The following AOX1 variants were observed in gnomAD, a reference collection of about 807,000 sequenced individuals.
The protein encoded by AOX1 is aldehyde oxidase 1.
In AOX1, 153 loss-of-function variants were observed where a neutral mutation model predicts 169.5. That is an observed-to-expected ratio of 0.90 (90% CI 0.79 to 1.03). The LOEUF (loss-of-function observed/expected upper bound fraction) is 1.03. Among genes scored for constraint, AOX1 ranks in the 50% least tolerant of loss-of-function variants. The pLI, the probability that AOX1 is intolerant of heterozygous loss-of-function variation, is 0.00. For synonymous variants in AOX1, 562 were observed against 581.9 expected, an observed-to-expected ratio of 0.97 and a Z score of 0.49; for missense variants, 1,656 against 1,663.9, an observed-to-expected ratio of 1.00 and a Z score of 0.08.
At chr2:200,642,851 G>C (rs371480474) in intron 25 of AOX1, 50 bp downstream of exon 25, 21 of 1,558,554 alleles carry the variant, frequency 1.3e-5, no homozygotes, top group Non-Finnish European at 1.8e-5. Flanking sequence ...GTCAGAGACG[G>C]TAGGGCCTTT....
chr2:200,607,368 G>C (rs1252179827), intron 10 of AOX1, among the ~76,000 whole-genome samples: 1 of 152,120 alleles, frequency 6.6e-6, no homozygotes, highest in Non-Finnish European at 1.5e-5. Context: ...TCGATGTGCT[G>C]CTCATCATCA....
At chr2:200,597,642 A>C (rs2034313973) in intron 4 of AOX1, 137 bp downstream of exon 4, 11 of 466,230 alleles carry the variant, frequency 2.4e-5, no homozygotes, top group Non-Finnish European at 2.6e-5. Context: ...AGCTGGGAAC[A>C]AGAGTGAAGC....
At position 200,601,073 on chromosome 2, in the gene AOX1, C is replaced by CT. The variant is rs58855977; in HGVS notation, c.437-1193dup. The stretch of plus-strand genomic sequence containing the variant: ...TTTCTGTCAGCTGAAGCTTAGAGTG[C>CT]TTTTTTTTTTTTTTTTTTGTCACAG... On this transcript the variant is annotated intron_variant, in intron 5 of 34. Coordinates refer to ENST00000374700, the MANE Select transcript of AOX1 (RefSeq NM_001159.4). 5.1e-3 allele frequency among the ~76,000 whole-genome samples: 611 copies of CT among 120,460 alleles called. 25 individuals carry two copies. Among genetic ancestry groups the CT allele is most frequent in the African/African-American group, 0.015 (479 of 32,112 alleles). The allele number at this position is 120,460 out of a possible 152,430, so 79.0% of individuals were successfully genotyped here.
intron 25 of AOX1, among the ~76,000 whole-genome samples, chr2:200,647,868 T>A (rs1487121690): frequency 1.3e-5 from 2 of 152,216 alleles, no homozygotes; most frequent in African/African-American, 4.8e-5. Flanking sequence ...TCTACTTGTT[T>A]AATTCTACTA....
intron 1 of AOX1, among the ~76,000 whole-genome samples, chr2:200,590,696 C>A (rs991656362): frequency 1.3e-5 from 2 of 152,202 alleles, no homozygotes; most frequent in African/African-American, 4.8e-5. Context: ...TGAATTCTTT[C>A]CTCAAATATA....
rs1193054762 is a variant in AOX1, at chr2:200,623,984, G to T, written c.2124+1G>T. 28 of 1,613,884 alleles carry T rather than the reference G, an allele frequency of 1.7e-5. 1 individual carries two copies. Among genetic ancestry groups the T allele is most frequent in the Non-Finnish European group, 1.9e-5 (23 of 1,179,910 alleles). On this transcript the variant is annotated splice_donor_variant, in intron 19 of 34. Coordinates refer to ENST00000374700, the MANE Select transcript of AOX1 (RefSeq NM_001159.4). LOFTEE classifies it high-confidence loss of function. ...GGAGCCGCTGATACTAACAATTGAG[G>T]TAATGAGTTCTGTGGAATGGTGGTG...
At chr2:200,678,214 G>T (rs140712187), downstream of AOX1, 291 of 152,254 alleles carry the variant, frequency 1.9e-3, 3 homozygotes, top group African/African-American at 6.9e-3. Context: ...TGCTGCCAAG[G>T]TCTTGCTTAC....
chr2:200,643,767 G>C (rs562715114), intron 25 of AOX1, among the ~76,000 whole-genome samples: 1 of 152,232 alleles, frequency 6.6e-6, no homozygotes, highest in South Asian at 2.1e-4. Context: ...AGAGTAAGGT[G>C]GTGTAGCATT....
intron 2 of AOX1, 31 bp from the exon 3 acceptor site, chr2:200,595,241 C>A: frequency 1.3e-6 from 2 of 1,555,460 alleles, no homozygotes; most frequent in Non-Finnish European, 1.8e-6. Context: ...AATTACATAA[C>A]ACATATGATC....
At chr2:200,663,600 C>CCCT (rs368079275) in intron 31 of AOX1, among the ~76,000 whole-genome samples, 1 of 120,774 alleles carries the variant, frequency 8.3e-6, no homozygotes, top group Non-Finnish European at 1.8e-5. Context: ...TCTCTCTCCC[C>CCCT]CTCTTTCTGT....
At chr2:200,604,879 GA>G in intron 9 of AOX1, 39 bp downstream of exon 9, 2 of 976,048 alleles carry the variant, frequency 2.0e-6, no homozygotes, top group Non-Finnish European at 1.5e-6. Context: ...GGGAAATTGA[GA>G]AAAAGGGCTT....
intron 23 of AOX1, among the ~76,000 whole-genome samples, chr2:200,638,976 T>C (rs1314408403): frequency 6.6e-6 from 1 of 152,178 alleles, no homozygotes; most frequent in Non-Finnish European, 1.5e-5. Flanking sequence ...CTGGAGCTGT[T>C]TCCATTTATT....
chr2:200,589,169 AGTT>A (rs1316248170), intron 1 of AOX1, among the ~76,000 whole-genome samples: 5 of 152,172 alleles, frequency 3.3e-5, no homozygotes, highest in Admixed American at 6.5e-5. Context: ...GGTCACCAAA[AGTT>A]GTCCTCAGGC....
In AOX1 at chr2:200,609,121, A is replaced by T. The variant is rs960505211; in HGVS notation, c.1045A>T (p.Ile349Phe). The change falls in exon 11 of 35, where the codon ATC (isoleucine) becomes TTC (phenylalanine). Residue 349 changes from isoleucine to phenylalanine, a missense_variant. Physicochemically the swap from Ile to Phe is conservative, Grantham distance 21. Transcript: ENST00000374700. ...TTTGGGAACTCTGGCTGGGTCCCAG[A>T]TCAGGAACATGGCTGTATGTATCTG... is the stretch of plus-strand genomic sequence containing the variant. Reference protein sequence around the residue: ...KHLGTLAGSQIRNMASLGGHI... With the variant: ...KHLGTLAGSQFRNMASLGGHI... 1.2e-6 allele frequency: 2 copies of T among 1,614,074 alleles called. No individual in the cohort carries two copies. The highest frequency in any genetic ancestry group is 1.7e-4 in the Middle Eastern group (1 of 6,048).
At chr2:200,592,201 A>C (rs939876492) in intron 1 of AOX1, among the ~76,000 whole-genome samples, 3 of 152,132 alleles carry the variant, frequency 2.0e-5, no homozygotes, top group African/African-American at 7.2e-5. Flanking sequence ...ATCTTTCTAT[A>C]TTGCGGACTC....
intron 10 of AOX1, among the ~76,000 whole-genome samples, chr2:200,608,353 A>G (rs2034558897): frequency 6.6e-6 from 1 of 152,218 alleles, no homozygotes; most frequent in African/African-American, 2.4e-5. Flanking sequence ...ATAAAGATGA[A>G]TATAACACAG....
At position 200,670,960 on chromosome 2, in the gene AOX1, T is replaced by C. The variant is rs751611843; in HGVS notation, c.*281T>C. ...TGTCTCTTCAATCCATCCAGCTAAA[T>C]GGAATAGGTGATGACTTGCATGTGA... On this transcript the variant is annotated 3_prime_UTR_variant, in exon 35 of 35. Transcript: ENST00000374700. 7 of 348,870 alleles carry C rather than the reference T, an allele frequency of 2.0e-5. No homozygotes were observed. The highest frequency in any genetic ancestry group is 3.1e-5 in the Non-Finnish European group (6 of 193,478). 21.6% of individuals were successfully genotyped at this position (348,870 alleles called of 1,614,324 possible).
intron 25 of AOX1, among the ~76,000 whole-genome samples, chr2:200,649,161 T>C (rs2105755898): frequency 6.6e-6 from 1 of 152,258 alleles, no homozygotes; most frequent in South Asian, 2.1e-4. Context: ...TTTCTCCCTG[T>C]GGAGTTTCAC....
In AOX1 at chr2:200,586,122, C is replaced by A; in HGVS notation, c.14C>A (p.Ser5Tyr). The change falls in exon 1 of 35, where the codon TCC becomes TAC. Residue 5 changes from serine (S) to tyrosine (Y), a missense_variant. Physicochemically the swap from Ser to Tyr is moderately radical, Grantham distance 144 (BLOSUM62 -2). Transcript: ENST00000374700. ...GCGGACACCACAATGGACCGGGCGT[C>A]CGAGCTGCTCTTCTACGTGAACGGC... MDRA[S>Y]ELLFYVNGRK... The A allele has an allele frequency of 6.4e-7, 1 of 1,564,042 alleles. No homozygotes were observed. Among genetic ancestry groups the A allele is most frequent in the East Asian group, 2.4e-5 (1 of 42,094 alleles).
Sources: allele counts gnomAD v4.1 joint callset (sites outside exome capture counted in the v4.1 genomes callset), GRCh38; gene constraint gnomAD v4.1.1; transcripts MANE v1.5; gene names NCBI Gene and HGNC (gene_info 2026-07-23, HGNC 2026-07-21).